The following PLCXD3 variants were observed in gnomAD, a reference collection of about 807,000 sequenced individuals.
PLCXD3 encodes the protein PI-PLC X domain-containing protein 3.
PLCXD3 carries 19 observed loss-of-function variants against 25.5 expected under a neutral mutation model. The observed-to-expected ratio is 0.75, with a 90% CI of 0.52 to 1.09. The LOEUF (loss-of-function observed/expected upper bound fraction) is 1.09, where lower values mean the gene tolerates loss of function less well. PLCXD3 is among the 50% of genes least tolerant of loss of function. The probability of loss-of-function intolerance (pLI) is 0.00; values close to 1 mark genes in which losing one functional copy is unlikely to be tolerated. For missense variants in PLCXD3, 411 were observed against 388.1 expected (o/e 1.06, Z -0.50); for synonymous variants, 174 against 137.6 (o/e 1.26, Z -1.85).
chr5:41,315,477 G>A (rs1348409049), intron 2 of PLCXD3, among the ~76,000 whole-genome samples: 1 of 151,698 alleles, frequency 6.6e-6, no homozygotes, highest in Non-Finnish European at 1.5e-5. Flanking sequence ...TTGGGAGGCT[G>A]AGCAAGATGG....
chr5:41,490,376 G>A (rs1277775647), intron 1 of PLCXD3, among the ~76,000 whole-genome samples: 1 of 152,128 alleles, frequency 6.6e-6, no homozygotes, highest in Non-Finnish European at 1.5e-5. Flanking sequence ...TGTTCATCAA[G>A]GATATTGGTC....
At chr5:41,429,475 G>A (rs1407854168) in intron 1 of PLCXD3, among the ~76,000 whole-genome samples, 1 of 152,126 alleles carries the variant, frequency 6.6e-6, no homozygotes, top group Non-Finnish European at 1.5e-5. Flanking sequence ...TGATCCAATT[G>A]AGTTGCAAAG....
chr5:41,325,502 T>A (rs1274521125), intron 2 of PLCXD3, among the ~76,000 whole-genome samples: 8 of 152,222 alleles, frequency 5.3e-5, no homozygotes, highest in Admixed American at 3.9e-4. Flanking sequence ...GTCCTCCTCC[T>A]CCATGAAATT....
At chr5:41,489,343 T>C (rs1748597816) in intron 1 of PLCXD3, among the ~76,000 whole-genome samples, 1 of 152,196 alleles carries the variant, frequency 6.6e-6, no homozygotes, top group Non-Finnish European at 1.5e-5. Flanking sequence ...CCTTGTAGTA[T>C]AGCTTGAAGT....
At chr5:41,456,747 A>C (rs1213866868) in intron 1 of PLCXD3, among the ~76,000 whole-genome samples, 3 of 151,872 alleles carry the variant, frequency 2.0e-5, no homozygotes, top group Non-Finnish European at 4.4e-5. Flanking sequence ...CCCTTCCACC[A>C]TATGAGGACA....
At chr5:41,381,064 A>G (rs1177792115) in intron 2 of PLCXD3, among the ~76,000 whole-genome samples, 1 of 152,150 alleles carries the variant, frequency 6.6e-6, no homozygotes, top group Non-Finnish European at 1.5e-5. Context: ...GTTATCATTC[A>G]CTGTTGAAGG....
intron 1 of PLCXD3, among the ~76,000 whole-genome samples, chr5:41,473,165 A>G (rs936175689): frequency 3.9e-5 from 6 of 152,302 alleles, no homozygotes; most frequent in South Asian, 2.1e-4. Flanking sequence ...TAGCATCTAA[A>G]TTAGCCACCA....
rs1250035040 is a variant in PLCXD3, at chr5:41,395,354, A to G, written c.104-12820T>C. ...ACTAAGATGGAAATTTATAGCTATA[A>G]GTGCCTACATCAAAACAAGGAAAAA... On this transcript the variant is annotated intron_variant, in intron 1 of 2. Coordinates refer to ENST00000377801, the MANE Select transcript of PLCXD3 (RefSeq NM_001005473.3). Among the ~76,000 whole-genome samples, 7 of 152,120 alleles carry G rather than the reference A, an allele frequency of 4.6e-5. No homozygotes were observed. The South Asian group carries it at 1.4e-3, about 31-fold the overall frequency.
intron 1 of PLCXD3, among the ~76,000 whole-genome samples, chr5:41,501,798 T>C (rs1418925173): frequency 6.6e-6 from 1 of 152,076 alleles, no homozygotes; most frequent in Admixed American, 6.6e-5. Context: ...GTTGCTGAAA[T>C]GTCAAATAAG....
chr5:41,354,201 C>T (rs1021436105), intron 2 of PLCXD3, among the ~76,000 whole-genome samples: 9 of 152,148 alleles, frequency 5.9e-5, no homozygotes, highest in African/African-American at 2.2e-4. Context: ...TTTACAACCT[C>T]CCAAACTACT....
rs557229199 is a variant in PLCXD3 at position 41,382,467 on chromosome 5, A to G, written c.171T>C (p.Thr57=). ...ASPVGPEQPE[T]VQNFVSVFGT... ...CAAACACAGAGACAAAATTCTGGAC[A>G]GTTTCTGGCTGCTCAGGACCTACTG... Residue 57 remains threonine (T), a synonymous_variant, in exon 2 of 3, where the codon ACT becomes ACC. Transcript: ENST00000377801. 6 of 1,612,208 alleles carry G rather than the reference A, an allele frequency of 3.7e-6. No homozygotes were observed. Among genetic ancestry groups the G allele is most frequent in the South Asian group, 1.1e-5 (1 of 91,066 alleles).
intron 1 of PLCXD3, among the ~76,000 whole-genome samples, chr5:41,438,793 T>A (rs1156804284): frequency 1.5e-5 from 2 of 134,298 alleles, no homozygotes; most frequent in East Asian, 4.2e-4. Flanking sequence ...GTCCTTACCC[T>A]GTCATTAGGA....
chr5:41,388,412 C>T (rs1056385656), intron 1 of PLCXD3, among the ~76,000 whole-genome samples: 4 of 151,986 alleles, frequency 2.6e-5, no homozygotes, highest in African/African-American at 9.7e-5. Flanking sequence ...CTGCCACTGT[C>T]ACCTCCAGGA....
chr5:41,462,892 T>C (rs318084), intron 1 of PLCXD3, among the ~76,000 whole-genome samples: 28,888 of 151,926 alleles, frequency 0.19, 2,980 homozygotes, highest in Middle Eastern at 0.26. Context: ...AACCTAGAAT[T>C]ATCAGTGACT....
intron 1 of PLCXD3, among the ~76,000 whole-genome samples, chr5:41,466,780 T>G (rs545200589): frequency 1.3e-5 from 2 of 152,246 alleles, no homozygotes; most frequent in South Asian, 2.1e-4. Flanking sequence ...CTTTATTAGA[T>G]TCCTCATATA....
chr5:41,437,936 C>G (rs561759542), intron 1 of PLCXD3, among the ~76,000 whole-genome samples: 22 of 152,290 alleles, frequency 1.4e-4, no homozygotes, highest in African/African-American at 5.1e-4. Context: ...TTTCCTTCTT[C>G]CTGGACATGG....
chr5:41,502,240 A>G (rs1277926482), intron 1 of PLCXD3, among the ~76,000 whole-genome samples: 2 of 152,108 alleles, frequency 1.3e-5, no homozygotes, highest in African/African-American at 4.8e-5. Context: ...TAAGAAATAG[A>G]TGCATTGTGG....
rs144912174 is a variant in PLCXD3 at position 41,316,591 on chromosome 5, C to T, written c.813-2821G>A. 2.1e-3 allele frequency among the ~76,000 whole-genome samples: 316 copies of T among 152,300 alleles called. 3 individuals are homozygous for T. Among genetic ancestry groups the T allele is most frequent in the African/African-American group, 7.2e-3 (301 of 41,564 alleles). On this transcript the variant is annotated intron_variant, in intron 2 of 2. Coordinates refer to ENST00000377801, the MANE Select transcript of PLCXD3 (RefSeq NM_001005473.3). The stretch of plus-strand genomic sequence containing the variant: ...ATTCCAGGACTTCACTGTTGGATGG[C>T]ATTTCTGGACCTGCCCAGGGTCAGA...
At chr5:41,368,719 C>A (rs1461310193) in intron 2 of PLCXD3, among the ~76,000 whole-genome samples, 2 of 152,104 alleles carry the variant, frequency 1.3e-5, no homozygotes, top group African/African-American at 4.8e-5. Flanking sequence ...CCTTCAATAC[C>A]TAATTTATTG....
Sources: allele counts gnomAD v4.1 joint callset (sites outside exome capture counted in the v4.1 genomes callset), GRCh38; gene constraint gnomAD v4.1.1; transcripts MANE v1.5; gene names NCBI Gene and HGNC (gene_info 2026-07-23, HGNC 2026-07-21).